FUBP1: variants seen among roughly 807,000 people sequenced by gnomAD.
FUBP1 encodes the protein far upstream element-binding protein 1.
Under a neutral mutation model 94.9 loss-of-function variants are expected in FUBP1, and 16 were observed. The observed-to-expected ratio is 0.17, with a 90% CI of 0.11 to 0.26. FUBP1 has a LOEUF of 0.26. Ranked by LOEUF, FUBP1 falls within the 10% of genes least tolerant of loss-of-function variation. The pLI is 1.00. For missense variants in FUBP1, 583 were observed against 808.6 expected (o/e 0.72, Z 3.38); for synonymous variants, 279 against 254.9 (o/e 1.09, Z -0.90).
intron 3 of FUBP1, 43 bp downstream of exon 3, chr1:77,968,122 A>C: frequency 7.9e-7 from 1 of 1,268,620 alleles, no homozygotes; most frequent in South Asian, 1.4e-5. Flanking sequence ...TAACATTGAA[A>C]TTGTTACTTT....
chr1:77,957,183 T>C (rs931734108), intron 16 of FUBP1, among the ~76,000 whole-genome samples: 1 of 152,230 alleles, frequency 6.6e-6, no homozygotes, highest in Non-Finnish European at 1.5e-5. Context: ...TAAAAAAGAT[T>C]AGCCACATTT....
chr1:77,977,525 CAAACAAAACA>C (rs374439256), intron 1 of FUBP1, among the ~76,000 whole-genome samples: 1 of 152,134 alleles, frequency 6.6e-6, no homozygotes, highest in African/African-American at 2.4e-5. Flanking sequence ...GACTCCGTCT[CAAACAAAACA>C]AAACAAAACT....
intron 1 of FUBP1, among the ~76,000 whole-genome samples, chr1:77,978,433 G>A (rs1247709322): frequency 6.6e-6 from 1 of 152,230 alleles, no homozygotes; most frequent in Non-Finnish European, 1.5e-5. Flanking sequence ...GGTTTTAATT[G>A]CGAGAGAGAA....
At chr1:77,950,148 T>C (rs78518109) in intron 18 of FUBP1, among the ~76,000 whole-genome samples, 1,775 of 152,262 alleles carry the variant, frequency 0.012, 33 homozygotes, top group African/African-American at 0.041. Context: ...ATAGTCTGTA[T>C]GTTTGTGATA....
intron 18 of FUBP1, among the ~76,000 whole-genome samples, chr1:77,953,448 G>A (rs969020137): frequency 1.3e-5 from 2 of 152,046 alleles, no homozygotes; most frequent in Non-Finnish European, 2.9e-5. Context: ...CTGAGATTGC[G>A]CCACCGCACT....
intron 18 of FUBP1, among the ~76,000 whole-genome samples, chr1:77,952,325 T>C (rs1042160955): frequency 6.7e-6 from 1 of 150,334 alleles, no homozygotes; most frequent in Non-Finnish European, 1.5e-5. Flanking sequence ...TTTTGAAATA[T>C]AAACCTAATT....
In FUBP1 at chr1:77,947,380, C is replaced by T; in HGVS notation, c.*1386G>A. ...AACATAATATTCACACAACGTATGG[C>T]ATTTGCATTATGTGGAACATTGACA... On this transcript the variant is annotated 3_prime_UTR_variant, in exon 20 of 20. Transcript: ENST00000370768. 1 of 503,490 alleles carries T rather than the reference C, an allele frequency of 2.0e-6. No homozygotes were observed. The highest frequency in any genetic ancestry group is 3.9e-6 in the Non-Finnish European group (1 of 259,266). The allele number at this position is 503,490 out of a possible 1,614,324, so 31.2% of individuals were successfully genotyped here.
At chr1:77,974,131 T>C (rs2102500422) in intron 1 of FUBP1, among the ~76,000 whole-genome samples, 1 of 150,820 alleles carries the variant, frequency 6.6e-6, no homozygotes, top group South Asian at 2.1e-4. Flanking sequence ...GGCTAATTTT[T>C]TGGTTTTTTT....
Position 77,965,091 on chromosome 1 carries a change from C to T in FUBP1, c.614G>A (p.Gly205Glu). 6.2e-7 allele frequency: 1 copy of T among 1,611,888 alleles called. No individual in the cohort carries two copies. The highest frequency in any genetic ancestry group is 8.5e-7 in the Non-Finnish European group (1 of 1,178,104). Residue 205 changes from glycine to glutamate, a missense_variant, in exon 8 of 20, where the codon GGA becomes GAA. Transcript: ENST00000370768. ...TACCTGAAGCTGTTTAATAGTTTCTCCCCCTTTTCCAATGACTAATCCTGC... is the reference window on the plus strand; with the variant it reads ...TACCTGAAGCTGTTTAATAGTTTCTTCCCCTTTTCCAATGACTAATCCTGC... The part of the protein sequence containing the change: ...SKAGLVIGKG[G>E]ETIKQLQERA...
intron 18 of FUBP1, 134 bp downstream of exon 18, chr1:77,955,121 T>C (rs367723313): frequency 4.1e-5 from 23 of 562,626 alleles, no homozygotes; most frequent in African/African-American, 7.9e-5. Flanking sequence ...AACCACAAAT[T>C]TAAAAACTAT....
At chr1:77,967,548 A>G in intron 4 of FUBP1, 79 bp downstream of exon 4, 1 of 1,007,210 alleles carries the variant, frequency 9.9e-7, no homozygotes, top group Non-Finnish European at 1.6e-6. Context: ...CATATTCAAT[A>G]TACACCAATG....
intron 4 of FUBP1, 57 bp downstream of exon 4, chr1:77,967,566 GTTTT>G (rs1317496073): frequency 7.5e-7 from 1 of 1,329,680 alleles, no homozygotes. Flanking sequence ...ATGTGGTTGT[GTTTT>G]TACATACAGC....
In FUBP1 at chr1:77,964,891, T is replaced by A; in HGVS notation, c.714A>T (p.Thr238=). ...TTACTTGAACTTTATATGGGTCTCC[T>A]GTAATCCTAAGAGGTTTGTCAGCAC... is the stretch of plus-strand genomic sequence containing the variant. ...NTGADKPLRI[T]GDPYKVQQAK... Residue 238 remains threonine, a synonymous_variant, in exon 9 of 20, where the codon ACA becomes ACT. Transcript: ENST00000370768. 6.2e-7 allele frequency: 1 copy of A among 1,608,352 alleles called. No homozygotes were observed. Among genetic ancestry groups the A allele is most frequent in the East Asian group, 2.2e-5 (1 of 44,858 alleles).
At chr1:77,976,723 C>T (rs1018594669) in intron 1 of FUBP1, among the ~76,000 whole-genome samples, 2 of 152,170 alleles carry the variant, frequency 1.3e-5, no homozygotes, top group African/African-American at 4.8e-5. Flanking sequence ...TAAACTCCGA[C>T]TTCAAGTGAT....
chr1:77,953,644 A>G (rs1218399415), intron 18 of FUBP1, among the ~76,000 whole-genome samples: 1 of 152,166 alleles, frequency 6.6e-6, no homozygotes, highest in Non-Finnish European at 1.5e-5. Context: ...CCTACAGAGG[A>G]TTCAAGACAG....
At position 77,947,878 on chromosome 1, in the gene FUBP1, C is replaced by A. The variant is rs577684808; in HGVS notation, c.*888G>T. The A allele has an allele frequency of 4.6e-6, 5 of 1,083,222 alleles. No homozygotes were observed. In the Admixed American group the frequency reaches 2.3e-4, roughly 50 times the overall value. 67.1% of individuals were successfully genotyped at this position (1,083,222 alleles called of 1,614,324 possible). On this transcript the variant is annotated 3_prime_UTR_variant, in exon 20 of 20. Transcript: ENST00000370768. ...TTTTGCACACTATTCACTTTTCTAT[C>A]CTAAATTTAGAAAGAAACACACTAA...
chr1:77,964,336 A>G lies in FUBP1; in HGVS notation c.858T>C (p.Ala286=). 6.3e-7 allele frequency: 1 copy of G among 1,598,354 alleles called. No individual in the cohort carries two copies. The highest frequency in any genetic ancestry group is 8.5e-7 in the Non-Finnish European group (1 of 1,172,892). The change falls in exon 11 of 20, where the codon GCT becomes GCC. Residue 286 remains alanine (A), a synonymous_variant. Coordinates refer to ENST00000370768, the MANE Select transcript of FUBP1 (RefSeq NM_003902.5). Reference sequence around the variant, plus strand: ...CATTTCTTCCTATTACAATGCCAACAGCAAATCTTGGAATGGGGACCTTAT... The same window carrying G: ...CATTTCTTCCTATTACAATGCCAACGGCAAATCTTGGAATGGGGACCTTAT... ...EGIDVPIPRF[A]VGIVIGRNGE...
intron 10 of FUBP1, 27 bp from the exon 11 acceptor site, chr1:77,964,383 G>C (rs1285895391): frequency 7.4e-7 from 1 of 1,356,906 alleles, no homozygotes; most frequent in South Asian, 1.2e-5. Flanking sequence ...TAAGTATTAA[G>C]AAAGCTAGCT....
Position 77,970,026 on chromosome 1 carries a change from A to C in FUBP1, c.121-11T>G. 1 of 1,476,942 alleles carries C rather than the reference A, an allele frequency of 6.8e-7. No individual in the cohort carries two copies. Among genetic ancestry groups the C allele is most frequent in the Non-Finnish European group, 9.4e-7 (1 of 1,068,340 alleles). 91.5% of individuals were successfully genotyped at this position (1,476,942 alleles called of 1,614,324 possible). A position where few individuals can be genotyped will look rare whatever the true frequency, so the allele number is the denominator to read the frequency against. On this transcript the variant is annotated splice_polypyrimidine_tract_variant and intron_variant, in intron 1 of 19. Coordinates refer to ENST00000370768, the MANE Select transcript of FUBP1 (RefSeq NM_003902.5). ...AATTTTTGCTGCAATCTAAAAAAAA[A>C]AAAGAAAAATACCATCATAAACTAT...
Sources: gnomAD v4.1 joint callset for allele counts (sites outside exome capture counted in the v4.1 genomes callset) on GRCh38, gnomAD v4.1.1 for gene constraint, MANE v1.5 for transcripts, NCBI Gene and HGNC (gene_info 2026-07-23, HGNC 2026-07-21) for gene names.